The following GLRA3 variants were observed in gnomAD, a reference collection of about 807,000 sequenced individuals.
GLRA3 encodes the protein glycine receptor subunit alpha-3.
A neutral mutation model predicts 60.4 loss-of-function variants in GLRA3; 44 were observed. That is an observed-to-expected ratio of 0.73 (90% CI 0.57 to 0.94). GLRA3 has a LOEUF of 0.94. GLRA3 is among the 40% of genes least tolerant of loss of function. The probability of loss-of-function intolerance (pLI) is 0.00; values close to 1 mark genes in which losing one functional copy is unlikely to be tolerated. For synonymous variants in GLRA3, 223 were observed against 192.9 expected (o/e 1.16, Z -1.29); for missense variants, 508 against 564.6 (o/e 0.90, Z 1.02).
intron 3 of GLRA3, among the ~76,000 whole-genome samples, chr4:174,751,061 GTCTATCTATCTA>G (rs901405538): frequency 2.1e-3 from 299 of 139,572 alleles, no homozygotes; most frequent in African/African-American, 6.5e-3. Flanking sequence ...CTGTCTGTCT[GTCTATCTATCTA>G]TCTATCTATC....
intron 4 of GLRA3, among the ~76,000 whole-genome samples, chr4:174,719,930 T>C (rs1736071946): frequency 6.6e-6 from 1 of 152,142 alleles, no homozygotes; most frequent in Non-Finnish European, 1.5e-5. Flanking sequence ...ATTTAAAAAT[T>C]AATGGCTATC....
intron 1 of GLRA3, among the ~76,000 whole-genome samples, chr4:174,814,828 G>T (rs1162676551): frequency 6.6e-6 from 1 of 152,126 alleles, no homozygotes; most frequent in African/African-American, 2.4e-5. Flanking sequence ...GATGTGATTT[G>T]GGTGGGGACA....
intron 8 of GLRA3, 86 bp downstream of exon 8, chr4:174,658,968 T>C (rs6553802): frequency 0.72 from 830,891 of 1,159,178 alleles, 299,739 homozygotes; most frequent in Admixed American, 0.85. Context: ...TCCCAATTGC[T>C]TCTCTTTTCA....
chr4:174,807,091 T>C (rs949607213), intron 1 of GLRA3, among the ~76,000 whole-genome samples: 15 of 152,038 alleles, frequency 9.9e-5, no homozygotes, highest in African/African-American at 3.6e-4. Flanking sequence ...GATGCTTGAA[T>C]AGACTTAGAA....
chr4:174,792,742 C>T (rs1327509454), intron 1 of GLRA3, among the ~76,000 whole-genome samples: 2 of 152,106 alleles, frequency 1.3e-5, no homozygotes, highest in African/African-American at 2.4e-5. Flanking sequence ...AGGCTTTTGG[C>T]GGTGGGTGAA....
At chr4:174,790,382 TA>T (rs139090963) in intron 1 of GLRA3, among the ~76,000 whole-genome samples, 13,221 of 148,264 alleles carry the variant, frequency 0.089, 938 homozygotes, top group East Asian at 0.4. Flanking sequence ...ATAATAAATA[TA>T]TTTTTTTAAA....
At chr4:174,698,478 C>G (rs1476726322) in intron 5 of GLRA3, among the ~76,000 whole-genome samples, 1 of 152,128 alleles carries the variant, frequency 6.6e-6, no homozygotes, top group Non-Finnish European at 1.5e-5. Context: ...TGTGAGCCAC[C>G]ATGCTGTGCC....
In GLRA3 at chr4:174,777,245, G is replaced by T. The variant is rs139129561; in HGVS notation, c.200-10215C>A. ...ATGATATTAAATGTCAGTAGGCAATGAATCAACATCTGCAAACTTCTGAGC... is the reference window on the plus strand; with the variant it reads ...ATGATATTAAATGTCAGTAGGCAATTAATCAACATCTGCAAACTTCTGAGC... On this transcript the variant is annotated intron_variant, in intron 2 of 9. Transcript: ENST00000274093. Among the ~76,000 whole-genome samples the T allele has an allele frequency of 2.6e-5, 4 of 152,272 alleles. No individual in the cohort carries two copies. In the East Asian group the frequency reaches 7.7e-4, roughly 29 times the overall value.
intron 8 of GLRA3, 78 bp from the exon 9 acceptor site, chr4:174,656,865 A>T (rs1248947095): frequency 2.1e-5 from 17 of 801,486 alleles, no homozygotes; most frequent in Non-Finnish European, 3.5e-5. Flanking sequence ...ATAATTACAC[A>T]ATTGGTTGTA....
intron 6 of GLRA3, among the ~76,000 whole-genome samples, chr4:174,680,636 G>T (rs112832742): frequency 6.6e-6 from 1 of 152,124 alleles, no homozygotes; most frequent in Non-Finnish European, 1.5e-5. Flanking sequence ...TTGTGGCAGG[G>T]TATTACGGAG....
chr4:174,821,432 T>C (rs1011856602), intron 1 of GLRA3, among the ~76,000 whole-genome samples: 1 of 152,172 alleles, frequency 6.6e-6, no homozygotes, highest in Non-Finnish European at 1.5e-5. Flanking sequence ...ATGACCCTAG[T>C]CAAAGTAGCA....
intron 1 of GLRA3, among the ~76,000 whole-genome samples, chr4:174,816,120 G>A (rs1198548827): frequency 6.6e-6 from 1 of 152,184 alleles, no homozygotes; most frequent in Non-Finnish European, 1.5e-5. Context: ...AGTGTTTGTA[G>A]TTCTAATAAG....
At chr4:174,675,085 G>A (rs2110946545) in intron 7 of GLRA3, among the ~76,000 whole-genome samples, 1 of 152,224 alleles carries the variant, frequency 6.6e-6, no homozygotes, top group East Asian at 1.9e-4. Flanking sequence ...AGATGATACA[G>A]TCAACTTCTT....
intron 5 of GLRA3, chr4:174,712,908 T>A (rs551980904): frequency 6.8e-6 from 1 of 147,458 alleles, no homozygotes; most frequent in African/African-American, 2.5e-5. Context: ...CACACATATA[T>A]GCATATATAT....
intron 3 of GLRA3, among the ~76,000 whole-genome samples, chr4:174,758,881 TCTGAGTAA>T (rs534517999): frequency 1.3e-3 from 192 of 152,234 alleles, no homozygotes; most frequent in African/African-American, 4.4e-3. Flanking sequence ...AAAACATAGT[TCTGAGTAA>T]CTGAGTAACT....
intron 9 of GLRA3, among the ~76,000 whole-genome samples, chr4:174,652,824 A>G (rs1034392046): frequency 1.3e-5 from 2 of 152,142 alleles, no homozygotes; most frequent in Admixed American, 1.3e-4. Context: ...CTAATTTTGT[A>G]TCTTCTTCTT....
chr4:174,729,366 A>G (rs1386529795), intron 3 of GLRA3, among the ~76,000 whole-genome samples: 3 of 152,160 alleles, frequency 2.0e-5, no homozygotes, highest in African/African-American at 7.2e-5. Context: ...ATGAAAGCCC[A>G]TTTTCTCATG....
intron 1 of GLRA3, among the ~76,000 whole-genome samples, chr4:174,823,180 C>T (rs1740814382): frequency 1.3e-5 from 2 of 151,992 alleles, no homozygotes; most frequent in East Asian, 3.9e-4. Flanking sequence ...TGGCCATTTC[C>T]CCAAGCAAAA....
intron 9 of GLRA3, among the ~76,000 whole-genome samples, chr4:174,647,595 C>T (rs1387370116): frequency 2.0e-5 from 3 of 152,002 alleles, no homozygotes; most frequent in Admixed American, 1.3e-4. Flanking sequence ...AAACTAGTGA[C>T]TATAGTGCAG....
Sources: allele counts gnomAD v4.1 joint callset (sites outside exome capture counted in the v4.1 genomes callset), GRCh38; gene constraint gnomAD v4.1.1; transcripts MANE v1.5; gene names NCBI Gene and HGNC (gene_info 2026-07-23, HGNC 2026-07-21).